CACNA2D3: variants seen among roughly 807,000 people sequenced by gnomAD.
The protein encoded by CACNA2D3 is voltage-dependent calcium channel subunit alpha-2/delta-3.
In CACNA2D3, 60 loss-of-function variants were observed where a neutral mutation model predicts 160.6. That is an observed-to-expected ratio of 0.37 (90% CI 0.30 to 0.46). The LOEUF is 0.46. CACNA2D3 is among the 20% of genes least tolerant of loss of function. CACNA2D3 has a pLI of 1.00. For synonymous variants in CACNA2D3, 558 were observed against 492.9 expected (o/e 1.13, Z -1.75); for missense variants, 1,205 against 1,365.0 (o/e 0.88, Z 1.85).
chr3:55,031,806 A>G (rs142585761), intron 35 of CACNA2D3, among the ~76,000 whole-genome samples: 1 of 152,340 alleles, frequency 6.6e-6, no homozygotes, highest in Admixed American at 6.5e-5. Context: ...AGAATCACCT[A>G]TGATCCAGAA....
intron 2 of CACNA2D3, among the ~76,000 whole-genome samples, chr3:54,160,182 G>T (rs934467616): frequency 2.6e-5 from 4 of 152,196 alleles, no homozygotes; most frequent in Non-Finnish European, 5.9e-5. Context: ...CTAATGTTCA[G>T]ATGCTCCCTA....
intron 2 of CACNA2D3, among the ~76,000 whole-genome samples, chr3:54,199,598 C>A (rs1701141953): frequency 6.8e-6 from 1 of 146,362 alleles, no homozygotes; most frequent in Non-Finnish European, 1.5e-5. Flanking sequence ...TCCTAGAACT[C>A]CTATTTTCTT....
intron 10 of CACNA2D3, among the ~76,000 whole-genome samples, chr3:54,628,622 G>A (rs963301071): frequency 3.4e-5 from 5 of 148,890 alleles, no homozygotes; most frequent in Admixed American, 1.3e-4. Context: ...ATGGTGACTT[G>A]GACTAGGGAG....
At chr3:55,055,705 G>A (rs1704343937) in intron 35 of CACNA2D3, among the ~76,000 whole-genome samples, 1 of 151,974 alleles carries the variant, frequency 6.6e-6, no homozygotes, top group Admixed American at 6.6e-5. Context: ...ATTTTTGGTG[G>A]CTTCTTTAGT....
intron 11 of CACNA2D3, among the ~76,000 whole-genome samples, chr3:54,667,427 A>G (rs550603117): frequency 6.6e-6 from 1 of 152,166 alleles, no homozygotes; most frequent in Non-Finnish European, 1.5e-5. Context: ...GTCAGATGCC[A>G]TTTGTAGTGG....
At chr3:54,558,609 C>A (rs958234351) in intron 5 of CACNA2D3, among the ~76,000 whole-genome samples, 1 of 152,116 alleles carries the variant, frequency 6.6e-6, no homozygotes, top group African/African-American at 2.4e-5. Context: ...GTGTTGTTCC[C>A]TTCTTTGTGT....
At chr3:54,253,966 C>T (rs557352704) in intron 2 of CACNA2D3, among the ~76,000 whole-genome samples, 44 of 152,126 alleles carry the variant, frequency 2.9e-4, no homozygotes, top group African/African-American at 9.6e-4. Flanking sequence ...GGGGTTTCAC[C>T]ATGTTGGCCA....
chr3:54,909,212 A>T (rs1479203284), intron 27 of CACNA2D3, among the ~76,000 whole-genome samples: 1 of 152,156 alleles, frequency 6.6e-6, no homozygotes, highest in African/African-American at 2.4e-5. Context: ...GATTTAGTTA[A>T]TCTTCACTCT....
chr3:54,896,161 C>T (rs1700182852), intron 25 of CACNA2D3, among the ~76,000 whole-genome samples: 1 of 152,056 alleles, frequency 6.6e-6, no homozygotes, highest in African/African-American at 2.4e-5. Context: ...AAGCTCTCTG[C>T]GCAGAAGGCA....
rs11369052 is a variant in CACNA2D3, at chr3:54,152,394, TA to T, written c.204+28809del. On this transcript the variant is annotated intron_variant, in intron 2 of 37. Transcript: ENST00000474759. ...ATAGGACTTTAAAATGATGCTCACT[TA>T]AAAAAAAATCCATGAGCGACTTTGT... Among the ~76,000 whole-genome samples the T allele has an allele frequency of 1.4e-3, 219 of 151,936 alleles. 2 individuals are homozygous for T. Among genetic ancestry groups the T allele is most frequent in the African/African-American group, 5.0e-3 (207 of 41,464 alleles).
At chr3:54,836,075 T>A (rs1332716750) in intron 14 of CACNA2D3, among the ~76,000 whole-genome samples, 4 of 152,164 alleles carry the variant, frequency 2.6e-5, no homozygotes, top group African/African-American at 9.7e-5. Context: ...GTTTCCCTAT[T>A]TGTTTGGGAC....
rs1384833317 is a variant in CACNA2D3, at chr3:54,149,922, T to TCG, written c.204+26329_204+26330insGC. ...CTCTCTCTCTCTCTCTCTCTCTCTC[T>TCG]CTCTCTCTCCCTCCCTCCCTCCCTC... On this transcript the variant is annotated intron_variant, in intron 2 of 37. Coordinates refer to ENST00000474759, the MANE Select transcript of CACNA2D3 (RefSeq NM_018398.3). Among the ~76,000 whole-genome samples, 96 of 68,334 alleles carry TCG rather than the reference T, an allele frequency of 1.4e-3. 4 individuals carry two copies. Among genetic ancestry groups the TCG allele is most frequent in the African/African-American group, 5.4e-3 (82 of 15,088 alleles). The allele number at this position is 68,334 out of a possible 152,430, so 44.8% of individuals were successfully genotyped here.
intron 2 of CACNA2D3, among the ~76,000 whole-genome samples, chr3:54,217,191 G>A (rs767734246): frequency 7.2e-5 from 11 of 152,162 alleles, no homozygotes; most frequent in Non-Finnish European, 1.6e-4. Context: ...CGATGGTGAA[G>A]CAGCCAGAGG....
At chr3:54,523,647 C>G (rs1226545396) in intron 5 of CACNA2D3, among the ~76,000 whole-genome samples, 1 of 151,980 alleles carries the variant, frequency 6.6e-6, no homozygotes, top group Non-Finnish European at 1.5e-5. Context: ...CCTGGCTTTT[C>G]TTTTTGGATA....
intron 3 of CACNA2D3, among the ~76,000 whole-genome samples, chr3:54,378,886 C>G (rs922631323): frequency 6.6e-6 from 1 of 152,240 alleles, no homozygotes; most frequent in Middle Eastern, 3.4e-3. Context: ...ATGTAGAATG[C>G]GATGGCTTTG....
intron 35 of CACNA2D3, among the ~76,000 whole-genome samples, chr3:55,028,514 T>C (rs966685376): frequency 6.6e-6 from 1 of 152,182 alleles, no homozygotes; most frequent in Non-Finnish European, 1.5e-5. Flanking sequence ...AAAATTGGAA[T>C]CTAAAAAGGA....
intron 32 of CACNA2D3, among the ~76,000 whole-genome samples, chr3:55,005,198 C>T (rs534512289): frequency 6.6e-6 from 1 of 152,124 alleles, no homozygotes; most frequent in Non-Finnish European, 1.5e-5. Flanking sequence ...ACCGCTTGAA[C>T]CTTGGAGGAG....
At chr3:54,716,122 T>C (rs1701046201) in intron 11 of CACNA2D3, among the ~76,000 whole-genome samples, 1 of 152,220 alleles carries the variant, frequency 6.6e-6, no homozygotes, top group Non-Finnish European at 1.5e-5. Flanking sequence ...ACACAAACTT[T>C]ATTTTGAAAT....
At chr3:54,911,348 C>T (rs1233047886) in intron 27 of CACNA2D3, among the ~76,000 whole-genome samples, 16 of 29,300 alleles carry the variant, frequency 5.5e-4, no homozygotes, top group African/African-American at 2.4e-3. Context: ...CCTTCTTTGT[C>T]GTCTTTTTTT....
Sources: gnomAD v4.1 joint callset for allele counts (sites outside exome capture counted in the v4.1 genomes callset) on GRCh38, gnomAD v4.1.1 for gene constraint, MANE v1.5 for transcripts, NCBI Gene and HGNC (gene_info 2026-07-23, HGNC 2026-07-21) for gene names.